SCAPER: variants seen among roughly 807,000 people sequenced by gnomAD.
The protein encoded by SCAPER is S phase cyclin A-associated protein in the endoplasmic reticulum.
A neutral mutation model predicts 182.2 loss-of-function variants in SCAPER; 98 were observed. The ratio of observed to expected loss-of-function variants is 0.54; its 90% CI spans 0.46 to 0.64. The LOEUF (loss-of-function observed/expected upper bound fraction) is 0.64, where lower values mean the gene tolerates loss of function less well. SCAPER is among the 30% of genes least tolerant of loss of function. The probability of loss-of-function intolerance (pLI) is 0.00; values close to 1 mark genes in which losing one functional copy is unlikely to be tolerated. For missense variants in SCAPER, 1,432 were observed against 1,690.0 expected, an observed-to-expected ratio of 0.85 and a Z score of 2.68; for synonymous variants, 605 against 564.6, an observed-to-expected ratio of 1.07 and a Z score of -1.01.
intron 17 of SCAPER, among the ~76,000 whole-genome samples, chr15:76,712,974 T>C (rs1357687339): frequency 2.0e-5 from 3 of 152,284 alleles, no homozygotes; most frequent in East Asian, 3.9e-4. Context: ...TCCAACACTA[T>C]GTTGAATAGG....
At chr15:76,687,620 G>A (rs1374235162) in intron 20 of SCAPER, among the ~76,000 whole-genome samples, 6 of 152,060 alleles carry the variant, frequency 3.9e-5, no homozygotes, top group African/African-American at 7.2e-5. Flanking sequence ...GCCCCGGTGC[G>A]TGATGTTCCC....
chr15:76,353,344 A>G (rs2040724382), intron 30 of SCAPER, among the ~76,000 whole-genome samples: 1 of 152,218 alleles, frequency 6.6e-6, no homozygotes, highest in South Asian at 2.1e-4. Context: ...TGAGTTAGTT[A>G]GTAGCAAATG....
At chr15:76,393,610 A>C (rs1047271102) in intron 27 of SCAPER, among the ~76,000 whole-genome samples, 17 of 152,208 alleles carry the variant, frequency 1.1e-4, no homozygotes, top group African/African-American at 3.6e-4. Context: ...CTGGTCCCCT[A>C]TGCTCTTCTA....
intron 21 of SCAPER, among the ~76,000 whole-genome samples, chr15:76,651,426 T>C (rs940265564): frequency 6.6e-6 from 1 of 151,928 alleles, no homozygotes; most frequent in Non-Finnish European, 1.5e-5. Flanking sequence ...TCCTGATTGC[T>C]CTGGCTAGGA....
chr15:76,718,357 T>C (rs1230382648), intron 17 of SCAPER, among the ~76,000 whole-genome samples: 1 of 152,130 alleles, frequency 6.6e-6, no homozygotes, highest in African/African-American at 2.4e-5. Context: ...GGGCAAAATA[T>C]TTAGTCCATA....
At chr15:76,574,406 T>A in intron 22 of SCAPER, 122 bp from the exon 23 acceptor site, 2 of 1,113,676 alleles carry the variant, frequency 1.8e-6, no homozygotes, top group South Asian at 1.6e-5. Flanking sequence ...TCACAGAGCA[T>A]CTGAGGGGAG....
intron 15 of SCAPER, 95 bp from the exon 16 acceptor site, chr15:76,733,479 T>C (rs1478374751): frequency 7.0e-7 from 1 of 1,421,772 alleles, no homozygotes; most frequent in African/African-American, 1.4e-5. Context: ...CTGGGCGTGG[T>C]GGTTCACGCC....
chr15:76,597,999 A>G lies in SCAPER; in HGVS notation c.2712-23715T>C, dbSNP rs1160129558. 2.3e-4 allele frequency among the ~76,000 whole-genome samples: 28 copies of G among 120,494 alleles called. 3 individuals are homozygous for G. Among genetic ancestry groups the G allele is most frequent in the African/African-American group, 7.1e-4 (28 of 39,590 alleles). 79.0% of individuals were successfully genotyped at this position (120,494 alleles called of 152,430 possible). On this transcript the variant is annotated intron_variant, in intron 22 of 31. Transcript: ENST00000563290. ...TTCTGCATAGCAGAAGAAACTATCAACAGAGTGAACAGGGAACCTACAGAA... is the reference window on the plus strand; with the variant it reads ...TTCTGCATAGCAGAAGAAACTATCAGCAGAGTGAACAGGGAACCTACAGAA...
chr15:76,640,392 C>T (rs1441582351), intron 21 of SCAPER, among the ~76,000 whole-genome samples: 4 of 152,050 alleles, frequency 2.6e-5, no homozygotes, highest in South Asian at 4.2e-4. Context: ...ATCAGTAAAA[C>T]GCTATTTACA....
At chr15:76,833,083 T>C (rs1436158274) in intron 5 of SCAPER, among the ~76,000 whole-genome samples, 1 of 151,980 alleles carries the variant, frequency 6.6e-6, no homozygotes, top group East Asian at 1.9e-4. Flanking sequence ...TATCAGATTC[T>C]CCAAGGTCAA....
At chr15:76,875,045 G>A (rs972976597) in intron 2 of SCAPER, among the ~76,000 whole-genome samples, 5 of 152,008 alleles carry the variant, frequency 3.3e-5, no homozygotes, top group Non-Finnish European at 7.4e-5. Context: ...CAAGTCCGTT[G>A]AAAAACATAA....
At chr15:76,605,318 A>C (rs2050289115) in intron 22 of SCAPER, among the ~76,000 whole-genome samples, 1 of 152,002 alleles carries the variant, frequency 6.6e-6, no homozygotes, top group African/African-American at 2.4e-5. Context: ...TATATGCTGG[A>C]TTATGTTTAT....
At chr15:76,387,771 A>G (rs536222790) in intron 27 of SCAPER, among the ~76,000 whole-genome samples, 3 of 152,344 alleles carry the variant, frequency 2.0e-5, no homozygotes, top group Non-Finnish European at 4.4e-5. Context: ...AGGACTAAAA[A>G]CAGGAGAAAA....
intron 27 of SCAPER, among the ~76,000 whole-genome samples, chr15:76,397,621 T>TAA (rs1226717060): frequency 6.6e-6 from 1 of 151,866 alleles, no homozygotes; most frequent in African/African-American, 2.4e-5. Context: ...GCTGGGATTA[T>TAA]AGGCATGCAC....
chr15:76,765,390 A>G lies in SCAPER; in HGVS notation c.1560T>C (p.Pro520=), dbSNP rs751889725. Residue 520 remains proline, a synonymous_variant, in exon 13 of 32, where the codon CCT becomes CCC. Coordinates refer to ENST00000563290, the MANE Select transcript of SCAPER (RefSeq NM_020843.4). ...GDIVEEEPAR[P]PGHGIHMHEK... ...CATGCATGTGAATTCCATGCCCTGG[A>G]GGTCTAGCAGGTTCTTCTTCTACAA... 1 of 1,613,828 alleles carries G rather than the reference A, an allele frequency of 6.2e-7. No homozygotes were observed. Among genetic ancestry groups the G allele is most frequent in the Non-Finnish European group, 8.5e-7 (1 of 1,179,862 alleles).
At chr15:76,746,597 CTA>C (rs2061804911) in intron 15 of SCAPER, among the ~76,000 whole-genome samples, 1 of 152,176 alleles carries the variant, frequency 6.6e-6, no homozygotes, top group Non-Finnish European at 1.5e-5. Context: ...TATTTGCAGA[CTA>C]TGTGATCTTG....
intron 24 of SCAPER, among the ~76,000 whole-genome samples, chr15:76,485,603 C>G (rs1023143902): frequency 8.5e-5 from 13 of 152,078 alleles, no homozygotes; most frequent in Non-Finnish European, 1.9e-4. Flanking sequence ...AGGGAAAAAG[C>G]TGGAGGCATC....
intron 22 of SCAPER, among the ~76,000 whole-genome samples, chr15:76,589,393 C>G (rs776492605): frequency 6.6e-6 from 1 of 152,040 alleles, no homozygotes; most frequent in Non-Finnish European, 1.5e-5. Context: ...GGGCTTGCTG[C>G]GGCAATGGAG....
chr15:76,872,966 T>C (rs2072834048), intron 2 of SCAPER, among the ~76,000 whole-genome samples: 1 of 151,400 alleles, frequency 6.6e-6, no homozygotes, highest in Non-Finnish European at 1.5e-5. Context: ...TAAGAAATGT[T>C]GGGCCGGGCA....
Sources: allele counts gnomAD v4.1 joint callset (sites outside exome capture counted in the v4.1 genomes callset), GRCh38; gene constraint gnomAD v4.1.1; transcripts MANE v1.5; gene names NCBI Gene and HGNC (gene_info 2026-07-23, HGNC 2026-07-21).